DLGAP1: variants seen among roughly 807,000 people sequenced by gnomAD.
The protein encoded by DLGAP1 is disks large-associated protein 1.
Under a neutral mutation model 90.8 loss-of-function variants are expected in DLGAP1, and 11 were observed. That is an observed-to-expected ratio of 0.12 (90% CI 0.08 to 0.20). The LOEUF (loss-of-function observed/expected upper bound fraction) is 0.20, where lower values mean the gene tolerates loss of function less well. Among genes scored for constraint, DLGAP1 ranks in the 10% least tolerant of loss-of-function variants. The probability of loss-of-function intolerance (pLI) is 1.00; values close to 1 mark genes in which losing one functional copy is unlikely to be tolerated. For synonymous variants in DLGAP1, 558 were observed against 540.7 expected, an observed-to-expected ratio of 1.03 and a Z score of -0.44; for missense variants, 1,050 against 1,333.8, an observed-to-expected ratio of 0.79 and a Z score of 3.31.
intron 1 of DLGAP1, among the ~76,000 whole-genome samples, chr18:4,339,518 A>T (rs1598935881): frequency 1.3e-5 from 2 of 152,336 alleles, no homozygotes; most frequent in Non-Finnish European, 2.9e-5. Flanking sequence ...TAAAAAATAC[A>T]GTCTATACAA....
intron 1 of DLGAP1, among the ~76,000 whole-genome samples, chr18:4,300,535 T>A (rs1186781270): frequency 6.6e-6 from 1 of 152,122 alleles, no homozygotes; most frequent in Non-Finnish European, 1.5e-5. Context: ...CTCTAGAAAT[T>A]TTTTTATATT....
intron 1 of DLGAP1, among the ~76,000 whole-genome samples, chr18:4,447,277 A>G (rs1358438719): frequency 6.6e-6 from 1 of 152,240 alleles, no homozygotes; most frequent in African/African-American, 2.4e-5. Context: ...TACCTTTATC[A>G]TGATACAGTT....
At chr18:4,314,506 C>A (rs961968339) in intron 1 of DLGAP1, among the ~76,000 whole-genome samples, 1 of 152,136 alleles carries the variant, frequency 6.6e-6, no homozygotes, top group African/African-American at 2.4e-5. Context: ...AGGGTTTCTA[C>A]AACGGTAATT....
intron 2 of DLGAP1, among the ~76,000 whole-genome samples, chr18:4,019,191 C>G (rs9945305): frequency 6.6e-6 from 1 of 151,974 alleles, no homozygotes; most frequent in Admixed American, 6.6e-5. Context: ...TGCAGCCAGC[C>G]GTCTAATCAC....
At chr18:3,538,546 G>A (rs183880222) in intron 9 of DLGAP1, among the ~76,000 whole-genome samples, 34 of 152,188 alleles carry the variant, frequency 2.2e-4, no homozygotes, top group Admixed American at 1.6e-3. Flanking sequence ...CATTCTTCCC[G>A]TTCATCCCCA....
chr18:3,874,746 C>A, intron 4 of DLGAP1: 1 of 1,511,760 alleles, frequency 6.6e-7, no homozygotes, highest in Non-Finnish European at 8.8e-7. Flanking sequence ...TCACTGGCAG[C>A]GGTACAATAG....
chr18:4,408,406 A>C (rs2082709431), intron 1 of DLGAP1, among the ~76,000 whole-genome samples: 1 of 152,190 alleles, frequency 6.6e-6, no homozygotes, highest in Admixed American at 6.5e-5. Context: ...CAGAAAAACC[A>C]GGGATTGAAA....
At chr18:3,503,212 T>C (rs538478658) in intron 11 of DLGAP1, among the ~76,000 whole-genome samples, 51 of 152,304 alleles carry the variant, frequency 3.3e-4, no homozygotes, top group Non-Finnish European at 6.3e-4. Flanking sequence ...TAGGAAGTAA[T>C]TTTATCATAT....
chr18:3,772,105 T>C (rs2064586366), intron 5 of DLGAP1, among the ~76,000 whole-genome samples: 1 of 151,336 alleles, frequency 6.6e-6, no homozygotes, highest in Non-Finnish European at 1.5e-5. Flanking sequence ...TTCTTTCTTT[T>C]CTTTTCTTTC....
At chr18:4,277,661 T>C (rs2079447331) in intron 1 of DLGAP1, among the ~76,000 whole-genome samples, 2 of 152,240 alleles carry the variant, frequency 1.3e-5, no homozygotes, top group Admixed American at 1.3e-4. Context: ...ATTCTCTTTT[T>C]TCGGTTATTT....
intron 4 of DLGAP1, among the ~76,000 whole-genome samples, chr18:3,875,681 A>T (rs2070981626): frequency 6.6e-6 from 1 of 152,206 alleles, no homozygotes; most frequent in South Asian, 2.1e-4. Context: ...ATTAGACAAC[A>T]TCTGAAAAAC....
chr18:4,441,866 A>G (rs780156166), intron 1 of DLGAP1, among the ~76,000 whole-genome samples: 29 of 152,246 alleles, frequency 1.9e-4, no homozygotes, highest in Non-Finnish European at 2.9e-4. Context: ...ACCAATTGTC[A>G]GGCACTGGGT....
chr18:3,572,170 C>T (rs540645763), intron 8 of DLGAP1, among the ~76,000 whole-genome samples: 4 of 150,628 alleles, frequency 2.7e-5, no homozygotes, highest in Non-Finnish European at 5.9e-5. Context: ...CCTACCCCTC[C>T]GGGATTCAAG....
At chr18:4,025,401 A>G (rs952947980) in intron 2 of DLGAP1, among the ~76,000 whole-genome samples, 15 of 152,290 alleles carry the variant, frequency 9.8e-5, no homozygotes, top group African/African-American at 3.6e-4. Context: ...TGATCTGGTA[A>G]GTGGAATGCA....
rs74510161 is a variant in DLGAP1, at chr18:4,144,566, G to A, written c.-159+6614C>T. On this transcript the variant is annotated intron_variant, in intron 2 of 12. Transcript: ENST00000315677. ...TGATATGAAGTTAACACCAGGTACT[G>A]TGACCACTCACCTGATTTTTAGTTC... Among the ~76,000 whole-genome samples, 11 of 152,320 alleles carry A rather than the reference G, an allele frequency of 7.2e-5. No individual in the cohort carries two copies. In the East Asian group the frequency reaches 1.9e-3, roughly 27 times the overall value.
chr18:4,404,790 C>G (rs991041496), intron 1 of DLGAP1, among the ~76,000 whole-genome samples: 1 of 152,150 alleles, frequency 6.6e-6, no homozygotes, highest in Non-Finnish European at 1.5e-5. Context: ...ACAGAAGACT[C>G]TGGCAGGACA....
chr18:3,550,592 T>C (rs1184263973), intron 9 of DLGAP1, among the ~76,000 whole-genome samples: 1 of 151,830 alleles, frequency 6.6e-6, no homozygotes, highest in Non-Finnish European at 1.5e-5. Flanking sequence ...CTGGTGTCCT[T>C]ATAAAAACAG....
intron 5 of DLGAP1, among the ~76,000 whole-genome samples, chr18:3,776,657 A>G (rs552811889): frequency 7.9e-5 from 12 of 152,300 alleles, no homozygotes; most frequent in African/African-American, 2.6e-4. Flanking sequence ...CTTTAGGGAC[A>G]TTATGCTATT....
chr18:3,688,410 G>A (rs1361485848), intron 7 of DLGAP1, among the ~76,000 whole-genome samples: 1 of 151,886 alleles, frequency 6.6e-6, no homozygotes, highest in African/African-American at 2.4e-5. Context: ...AGATGGAAGG[G>A]ATGCAACCCT....
Sources: allele counts gnomAD v4.1 joint callset (sites outside exome capture counted in the v4.1 genomes callset), GRCh38; gene constraint gnomAD v4.1.1; transcripts MANE v1.5; gene names NCBI Gene and HGNC (gene_info 2026-07-23, HGNC 2026-07-21).